SLC30A7: variants seen among roughly 807,000 people sequenced by gnomAD.
The protein encoded by SLC30A7 is solute carrier family 30 member 7, also known as zinc transporter 7.
SLC30A7 carries 35 observed loss-of-function variants against 46.0 expected under a neutral mutation model. The observed-to-expected ratio is 0.76, with a 90% confidence interval of 0.58 to 1.01. The LOEUF is 1.01. Among genes scored for constraint, SLC30A7 ranks in the 50% least tolerant of loss-of-function variants. SLC30A7 has a pLI of 0.00. For synonymous variants in SLC30A7, 147 were observed against 157.8 expected (o/e 0.93, Z 0.51); for missense variants, 464 against 451.1 (o/e 1.03, Z -0.26).
Position 100,918,118 on chromosome 1 carries a change from AT to A in SLC30A7, c.701del (p.Leu234TyrfsTer9). 1 of 1,612,254 alleles carries A rather than the reference AT, an allele frequency of 6.2e-7. No homozygotes were observed. The highest frequency in any genetic ancestry group is 8.5e-7 in the Non-Finnish European group (1 of 1,178,776). ...AGAAACAACAGGACCCAGCAGACAG[AT>A]TTTACAAGGTATGACAAGCAATTTT... ...LKETTGPSRQ[I>X]LQGVFLHILA... is the part of the protein sequence containing the mutation. On this transcript the variant is annotated frameshift_variant, in exon 7 of 11. Transcript: ENST00000357650. LOFTEE classifies it high-confidence loss of function.
chr1:100,912,047 G>A (rs1570516489), intron 4 of SLC30A7, 65 bp from the exon 5 acceptor site: 1 of 1,431,990 alleles, frequency 7.0e-7, no homozygotes, highest in Admixed American at 1.9e-5. Flanking sequence ...GTTGTCTTAT[G>A]ATTTTGTTAG....
downstream of SLC30A7, among the ~76,000 whole-genome samples, chr1:100,983,000 T>C (rs1657036963): frequency 6.6e-6 from 1 of 152,178 alleles, no homozygotes; most frequent in East Asian, 1.9e-4. Flanking sequence ...ATGTAGAGTT[T>C]TGGCTTTCCT....
At chr1:100,918,485 T>G (rs960890147) in intron 7 of SLC30A7, among the ~76,000 whole-genome samples, 1 of 152,186 alleles carries the variant, frequency 6.6e-6, no homozygotes, top group African/African-American at 2.4e-5. Flanking sequence ...GAAACTATTC[T>G]GCTTGAATAT....
intron 10 of SLC30A7, among the ~76,000 whole-genome samples, chr1:100,971,815 A>AAT (rs1656174515): frequency 6.6e-6 from 1 of 152,176 alleles, no homozygotes; most frequent in African/African-American, 2.4e-5. Context: ...GATAAGGATG[A>AAT]ATATATGTAC....
intron 8 of SLC30A7, among the ~76,000 whole-genome samples, chr1:100,960,403 T>G (rs1470266899): frequency 2.0e-5 from 3 of 152,212 alleles, no homozygotes; most frequent in African/African-American, 7.2e-5. Context: ...TTTCTGTCAT[T>G]CGTTTAACCA....
intron 2 of SLC30A7, among the ~76,000 whole-genome samples, chr1:100,898,479 G>A (rs1259486638): frequency 6.6e-6 from 1 of 152,080 alleles, no homozygotes; most frequent in African/African-American, 2.4e-5. Flanking sequence ...TTTTCATTGT[G>A]TTATGTCTTC....
intron 10 of SLC30A7, among the ~76,000 whole-genome samples, chr1:100,966,684 T>C (rs1004669591): frequency 6.6e-6 from 1 of 152,204 alleles, no homozygotes; most frequent in Non-Finnish European, 1.5e-5. Flanking sequence ...AATAGAAAGA[T>C]AGTTCCTATA....
intron 8 of SLC30A7, among the ~76,000 whole-genome samples, chr1:100,955,401 G>T (rs3903905): frequency 0.28 from 42,502 of 151,872 alleles, 6,074 homozygotes; most frequent in Middle Eastern, 0.34. Context: ...GATTATAACT[G>T]TGATTTACCT....
downstream of SLC30A7, among the ~76,000 whole-genome samples, chr1:100,984,964 A>G (rs1168057084): frequency 2.0e-5 from 3 of 152,230 alleles, no homozygotes; most frequent in African/African-American, 7.2e-5. Flanking sequence ...CTTGAAACAA[A>G]TGTTAAAATA....
Position 100,918,101 on chromosome 1 carries a change from C to T in SLC30A7, c.680C>T (p.Thr227Ile), listed in dbSNP as rs1652699971. 1.9e-6 allele frequency: 3 copies of T among 1,612,546 alleles called. No individual in the cohort carries two copies. The highest frequency in any genetic ancestry group is 2.2e-5 in the East Asian group (1 of 44,772). Reference sequence around the variant, plus strand: ...GATGGCCCGTCCTTAAAAGAAACAACAGGACCCAGCAGACAGATTTTACAA... The same window carrying T: ...GATGGCCCGTCCTTAAAAGAAACAATAGGACCCAGCAGACAGATTTTACAA... ...SHDGPSLKET[T>I]GPSRQILQGV... The change falls in exon 7 of 11, where the codon ACA becomes ATA. Residue 227 changes from threonine to isoleucine, a missense_variant. Thr to Ile is a moderately conservative substitution (Grantham distance 89). Coordinates refer to ENST00000357650, the MANE Select transcript of SLC30A7 (RefSeq NM_133496.5).
At position 100,975,044 on chromosome 1, in the gene SLC30A7, G is replaced by C. The variant is rs932019186; in HGVS notation, c.*187G>C. On this transcript the variant is annotated 3_prime_UTR_variant, in exon 11 of 11. Coordinates refer to ENST00000357650, the MANE Select transcript of SLC30A7 (RefSeq NM_133496.5). ...CACAGCTAAGGGATCAGATTTAAGA[G>C]GATATCTCCTGGACTTTTGGTCTTT... 7.3e-6 allele frequency: 3 copies of C among 411,464 alleles called. No individual in the cohort carries two copies. Among genetic ancestry groups the C allele is most frequent in the African/African-American group, 4.1e-5 (2 of 48,876 alleles). The allele number at this position is 411,464 out of a possible 1,614,324, so 25.5% of individuals were successfully genotyped here. A position where few individuals can be genotyped will look rare whatever the true frequency, so the allele number is the denominator to read the frequency against.
intron 6 of SLC30A7, 144 bp downstream of exon 6, chr1:100,913,950 G>C: frequency 8.1e-7 from 1 of 1,232,528 alleles, no homozygotes. Context: ...CCCAGGGCTA[G>C]TTTATTTTTT....
intron 9 of SLC30A7, among the ~76,000 whole-genome samples, chr1:100,964,562 ATCT>A (rs931543127): frequency 4.6e-5 from 7 of 152,182 alleles, no homozygotes; most frequent in African/African-American, 1.4e-4. Flanking sequence ...TCTAAAGGTC[ATCT>A]TCTTTCTACT....
intron 8 of SLC30A7, among the ~76,000 whole-genome samples, chr1:100,952,134 A>C (rs1654988877): frequency 6.6e-6 from 1 of 152,202 alleles, no homozygotes; most frequent in Non-Finnish European, 1.5e-5. Context: ...ATTTTAGCCC[A>C]ATGGAACGTA....
intron 8 of SLC30A7, among the ~76,000 whole-genome samples, chr1:100,948,843 G>A (rs1654789944): frequency 6.6e-6 from 1 of 152,130 alleles, no homozygotes; most frequent in Non-Finnish European, 1.5e-5. Flanking sequence ...ATTGAAGCTT[G>A]TGCATGCGTC....
At chr1:100,955,802 C>G (rs1396306991) in intron 8 of SLC30A7, among the ~76,000 whole-genome samples, 1 of 152,038 alleles carries the variant, frequency 6.6e-6, no homozygotes, top group Non-Finnish European at 1.5e-5. Context: ...ATTTTTATGA[C>G]TCTTTAAATT....
intron 8 of SLC30A7, among the ~76,000 whole-genome samples, chr1:100,956,933 T>G (rs1011919685): frequency 6.6e-6 from 1 of 152,238 alleles, no homozygotes; most frequent in African/African-American, 2.4e-5. Flanking sequence ...CTAAATAAGT[T>G]TGATGACTGA....
chr1:100,980,476 A>G lies in SLC30A7; in HGVS notation c.*5619A>G, dbSNP rs1570615420. 6.6e-6 allele frequency: 1 copy of G among 152,096 alleles called. No homozygotes were observed. The highest frequency in any genetic ancestry group is 1.5e-5 in the Non-Finnish European group (1 of 67,964). 9.4% of individuals were successfully genotyped at this position (152,096 alleles called of 1,614,324 possible). The stretch of plus-strand genomic sequence containing the variant: ...ATATCTTTCTCTTCTGCATCCTTTT[A>G]TCCTCAAACTTAGCATGGATTCACA... On this transcript the variant is annotated 3_prime_UTR_variant, in exon 11 of 11. Coordinates refer to ENST00000357650, the MANE Select transcript of SLC30A7 (RefSeq NM_133496.5).
chr1:100,911,921 A>G (rs1652125327), intron 4 of SLC30A7, among the ~76,000 whole-genome samples, 191 bp from the exon 5 acceptor site: 1 of 152,184 alleles, frequency 6.6e-6, no homozygotes, highest in Non-Finnish European at 1.5e-5. Context: ...TATTTATTTT[A>G]AAATAGTAAT....
Sources: allele counts gnomAD v4.1 joint callset (sites outside exome capture counted in the v4.1 genomes callset), GRCh38; gene constraint gnomAD v4.1.1; transcripts MANE v1.5; gene names NCBI Gene and HGNC (gene_info 2026-07-23, HGNC 2026-07-21).